The following ANAPC7 variants were observed in gnomAD, a reference collection of about 807,000 sequenced individuals.
ANAPC7 encodes anaphase-promoting complex subunit 7.
In ANAPC7, 25 loss-of-function variants were observed where a neutral mutation model predicts 63.3. The observed-to-expected ratio is 0.39, with a 90% CI of 0.29 to 0.55. ANAPC7 has a LOEUF of 0.55. Ranked by LOEUF, ANAPC7 falls within the 20% of genes least tolerant of loss-of-function variation. ANAPC7 has a pLI of 0.57. For missense variants in ANAPC7, 516 were observed against 691.7 expected (o/e 0.75, Z 2.85); for synonymous variants, 241 against 251.7 (o/e 0.96, Z 0.40).
At chr12:110,388,873 G>C (rs1470592229) in intron 3 of ANAPC7, among the ~76,000 whole-genome samples, 1 of 152,008 alleles carries the variant, frequency 6.6e-6, no homozygotes, top group Non-Finnish European at 1.5e-5. Context: ...GAGGTCAGGA[G>C]ATTGAGACCA....
At chr12:110,381,319 GGAT>G (rs1881821606) in intron 8 of ANAPC7, among the ~76,000 whole-genome samples, 1 of 151,954 alleles carries the variant, frequency 6.6e-6, no homozygotes, top group Admixed American at 6.6e-5. Context: ...AAGCTTCCCC[GGAT>G]GATGTTTTTT....
Position 110,396,375 on chromosome 12 carries a change from C to T in ANAPC7, c.179G>A (p.Arg60Gln), listed in dbSNP as rs562414935. The T allele has an allele frequency of 8.1e-6, 13 of 1,613,946 alleles. No homozygotes were observed. Among genetic ancestry groups the T allele is most frequent in the Middle Eastern group, 3.3e-4 (2 of 6,062 alleles). Residue 60 changes from arginine (R) to glutamine (Q), a missense_variant, in exon 2 of 11, where the codon CGG becomes CAG. Arg to Gln is a conservative substitution (Grantham distance 43, BLOSUM62 1). This residue lies in a region of ANAPC7 where 185 missense variants were observed against 200.3 expected (regional missense o/e 0.92). Transcript: ENST00000455511. Reference protein sequence around the residue: ...ADSLFHDKEYRNAVSKYTMAL... With the variant: ...ADSLFHDKEYQNAVSKYTMAL... ...CATGGTATACTTACTCACAGCATTC[C>T]GATATTCCTTATCATGAAAGAGAGA...
chr12:110,394,990 T>G, intron 3 of ANAPC7, 111 bp downstream of exon 3: 1 of 1,318,996 alleles, frequency 7.6e-7, no homozygotes, highest in Admixed American at 2.4e-5. Context: ...AAATGAGAAT[T>G]AGAATCATGG....
chr12:110,392,939 G>A (rs1883227387), intron 3 of ANAPC7, among the ~76,000 whole-genome samples: 1 of 152,124 alleles, frequency 6.6e-6, no homozygotes, highest in South Asian at 2.1e-4. Flanking sequence ...GAGATTACAG[G>A]CATGCGCCAC....
intron 5 of ANAPC7, 133 bp from the exon 6 acceptor site, chr12:110,386,602 T>G (rs529174929): frequency 2.1e-4 from 192 of 896,960 alleles, no homozygotes; most frequent in Non-Finnish European, 3.1e-4. Context: ...TAAAAAACTT[T>G]AAGCTTATGA....
intron 9 of ANAPC7, among the ~76,000 whole-genome samples, chr12:110,376,726 CA>C (rs1881320609): frequency 6.8e-6 from 1 of 146,866 alleles, no homozygotes; most frequent in Non-Finnish European, 1.5e-5. Context: ...AAAAAAGGGC[CA>C]AACGGGAAGT....
chr12:110,395,785 G>A (rs528765544), intron 2 of ANAPC7, among the ~76,000 whole-genome samples: 19 of 152,088 alleles, frequency 1.2e-4, no homozygotes, highest in East Asian at 7.7e-4. Context: ...TGATCCGCCC[G>A]CCTAGGCCTC....
At chr12:110,397,321 G>A (rs986292945) in intron 1 of ANAPC7, among the ~76,000 whole-genome samples, 1 of 152,030 alleles carries the variant, frequency 6.6e-6, no homozygotes, top group African/African-American at 2.4e-5. Flanking sequence ...TTGGGAGGCT[G>A]AGGCGGGCAG....
chr12:110,378,338 C>T (rs1366066697), intron 8 of ANAPC7, among the ~76,000 whole-genome samples: 1 of 152,222 alleles, frequency 6.6e-6, no homozygotes, highest in Non-Finnish European at 1.5e-5. Context: ...AGGTGATCCG[C>T]CCAGCTCAGC....
intron 9 of ANAPC7, among the ~76,000 whole-genome samples, chr12:110,376,866 T>C (rs1329427422): frequency 6.6e-6 from 1 of 151,944 alleles, no homozygotes; most frequent in Non-Finnish European, 1.5e-5. Context: ...CTCACACCTA[T>C]AATCCCACCA....
At chr12:110,388,231 T>G (rs1222782597) in intron 4 of ANAPC7, among the ~76,000 whole-genome samples, 1 of 151,996 alleles carries the variant, frequency 6.6e-6, no homozygotes, top group African/African-American at 2.4e-5. Flanking sequence ...GAGACGGGGT[T>G]GTGCCATGTT....
chr12:110,382,129 A>G (rs1881914307), intron 7 of ANAPC7, among the ~76,000 whole-genome samples, 181 bp from the exon 8 acceptor site: 2 of 151,962 alleles, frequency 1.3e-5, no homozygotes, highest in Non-Finnish European at 2.9e-5. Flanking sequence ...AAAATCCACT[A>G]TTTATTTTTA....
At chr12:110,386,616 TAA>T (rs1244092494) in intron 5 of ANAPC7, 147 bp from the exon 6 acceptor site, 3 of 727,234 alleles carry the variant, frequency 4.1e-6, no homozygotes, top group Non-Finnish European at 6.5e-6. Context: ...CTTATGACTT[TAA>T]AAAAAGTTAT....
At chr12:110,399,854 G>C (rs1026516818) in intron 1 of ANAPC7, among the ~76,000 whole-genome samples, 1 of 151,374 alleles carries the variant, frequency 6.6e-6, no homozygotes, top group Non-Finnish European at 1.5e-5. Context: ...ACAGCACTTT[G>C]GGAGGCCAAG....
intron 6 of ANAPC7, among the ~76,000 whole-genome samples, chr12:110,384,255 A>G (rs1882240899): frequency 6.6e-6 from 1 of 151,842 alleles, no homozygotes; most frequent in African/African-American, 2.4e-5. Context: ...AAATTAGCCA[A>G]GCACAGTGGC....
intron 8 of ANAPC7, chr12:110,378,650 T>C (rs369958598): frequency 9.2e-5 from 14 of 152,138 alleles, no homozygotes; most frequent in East Asian, 3.9e-4. Context: ...AACTCTCAAC[T>C]CTTCATGCCA....
At chr12:110,391,703 CA>C (rs926862359) in intron 3 of ANAPC7, among the ~76,000 whole-genome samples, 1 of 151,540 alleles carries the variant, frequency 6.6e-6, no homozygotes, top group Non-Finnish European at 1.5e-5. Flanking sequence ...TTACTATTTT[CA>C]AAAAAAAGTC....
intron 3 of ANAPC7, 107 bp from the exon 4 acceptor site, chr12:110,388,730 G>C (rs557489861): frequency 1.2e-6 from 1 of 805,534 alleles, no homozygotes; most frequent in Non-Finnish European, 2.0e-6. Flanking sequence ...CTTTTTACTG[G>C]AAAATCTACC....
chr12:110,396,124 TATTC>T (rs1883553593), intron 2 of ANAPC7, 138 bp downstream of exon 2: 1 of 706,308 alleles, frequency 1.4e-6, no homozygotes, highest in African/African-American at 1.8e-5. Flanking sequence ...CAGGCAGTAA[TATTC>T]ACTAGCCCTC....
Sources: gnomAD v4.1 joint callset for allele counts (sites outside exome capture counted in the v4.1 genomes callset) on GRCh38, gnomAD v4.1.1 for gene constraint, gnomAD v4.1.1 regional missense constraint, MANE v1.5 for transcripts, NCBI Gene and HGNC (gene_info 2026-07-23, HGNC 2026-07-21) for gene names.